Variants in CACNA2D1 observed in about 807,000 individuals in gnomAD.
CACNA2D1 encodes voltage-dependent calcium channel subunit alpha-2/delta-1.
In CACNA2D1, 53 loss-of-function variants were observed where a neutral mutation model predicts 171.5. The observed-to-expected ratio is 0.31, with a 90% CI of 0.25 to 0.39. The LOEUF is 0.39. Ranked by LOEUF, CACNA2D1 falls within the 10% of genes least tolerant of loss-of-function variation. CACNA2D1 has a pLI of 1.00. For missense variants in CACNA2D1, 903 were observed against 1,299.8 expected, an observed-to-expected ratio of 0.69 and a Z score of 4.69; for synonymous variants, 442 against 443.1, an observed-to-expected ratio of 1.00 and a Z score of 0.03.
chr7:82,180,494 G>A (rs1797005612), intron 3 of CACNA2D1, among the ~76,000 whole-genome samples: 1 of 152,110 alleles, frequency 6.6e-6, no homozygotes, highest in African/African-American at 2.4e-5. Flanking sequence ...TAGCTTATTA[G>A]GTTGCAATTA....
intron 2 of CACNA2D1, among the ~76,000 whole-genome samples, chr7:82,346,235 G>GA (rs964345781): frequency 4.6e-5 from 7 of 152,132 alleles, no homozygotes; most frequent in African/African-American, 1.7e-4. Flanking sequence ...CTATGTGGCA[G>GA]AAAAATACAT....
chr7:82,382,476 C>A (rs1441580127), intron 1 of CACNA2D1, among the ~76,000 whole-genome samples: 1 of 152,210 alleles, frequency 6.6e-6, no homozygotes, highest in Non-Finnish European at 1.5e-5. Flanking sequence ...CCTGCACCTG[C>A]TCTTTTCAAG....
chr7:82,059,709 C>T (rs1363164273), intron 10 of CACNA2D1, among the ~76,000 whole-genome samples: 11 of 151,588 alleles, frequency 7.3e-5, no homozygotes, highest in South Asian at 4.2e-4. Flanking sequence ...AAGATCCACG[C>T]GGCACTATTC....
intron 38 of CACNA2D1, among the ~76,000 whole-genome samples, chr7:81,951,051 A>G (rs909110934): frequency 5.3e-5 from 8 of 152,118 alleles, no homozygotes; most frequent in Non-Finnish European, 1.2e-4. Context: ...AATGTATTTG[A>G]ACCATTGTTT....
chr7:82,329,968 T>C (rs1817105910), intron 3 of CACNA2D1, among the ~76,000 whole-genome samples: 1 of 152,100 alleles, frequency 6.6e-6, no homozygotes, highest in South Asian at 2.1e-4. Flanking sequence ...TAAGAATGTA[T>C]AAATGTTTAA....
At chr7:82,426,813 T>C (rs1192925217) in intron 1 of CACNA2D1, among the ~76,000 whole-genome samples, 1 of 152,150 alleles carries the variant, frequency 6.6e-6, no homozygotes, top group Non-Finnish European at 1.5e-5. Flanking sequence ...TATACCCCCC[T>C]ACCCTTATTC....
chr7:82,009,940 C>T (rs1215706784), intron 15 of CACNA2D1, among the ~76,000 whole-genome samples: 1 of 152,058 alleles, frequency 6.6e-6, no homozygotes, highest in Non-Finnish European at 1.5e-5. Context: ...GAACTCTCCA[C>T]AATATTGTCC....
chr7:82,320,719 T>G (rs377377755), intron 3 of CACNA2D1, among the ~76,000 whole-genome samples: 1 of 151,898 alleles, frequency 6.6e-6, no homozygotes, highest in African/African-American at 2.4e-5. Flanking sequence ...GACTCCCATA[T>G]GCTGTTAGAC....
chr7:82,010,030 C>T (rs1294447937), intron 15 of CACNA2D1, among the ~76,000 whole-genome samples: 9 of 151,902 alleles, frequency 5.9e-5, no homozygotes, highest in Non-Finnish European at 1.3e-4. Context: ...TTATGCTATA[C>T]CCCATTTTTA....
intron 36 of CACNA2D1, among the ~76,000 whole-genome samples, chr7:81,960,955 G>T (rs1659057778): frequency 6.6e-6 from 1 of 151,772 alleles, no homozygotes; most frequent in African/African-American, 2.4e-5. Flanking sequence ...GGAGATAGAG[G>T]TCTGCTAAAG....
intron 3 of CACNA2D1, among the ~76,000 whole-genome samples, chr7:82,283,307 A>G (rs1483572705): frequency 2.6e-5 from 4 of 152,252 alleles, no homozygotes; most frequent in South Asian, 2.1e-4. Context: ...TCCTTCTAAC[A>G]TTAGAAGAAG....
At chr7:82,384,273 C>T (rs1463161113) in intron 1 of CACNA2D1, among the ~76,000 whole-genome samples, 1 of 152,126 alleles carries the variant, frequency 6.6e-6, no homozygotes, top group Non-Finnish European at 1.5e-5. Flanking sequence ...GAGAAGGGGC[C>T]TTTGCAAGGC....
chr7:82,150,010 ACT>A, intron 4 of CACNA2D1, among the ~76,000 whole-genome samples: 1 of 151,838 alleles, frequency 6.6e-6, no homozygotes, highest in Non-Finnish European at 1.5e-5. Flanking sequence ...GTGTGCATGC[ACT>A]GAGGAGATGT....
rs1413114777 is a variant in CACNA2D1 at position 81,948,078 on chromosome 7, T to TAATAGATTTTGAACA, written c.*2299_*2313dup. The TAATAGATTTTGAACA allele has an allele frequency of 1.3e-5, 2 of 151,868 alleles. No homozygotes were observed. Among genetic ancestry groups the TAATAGATTTTGAACA allele is most frequent in the Non-Finnish European group, 2.9e-5 (2 of 67,810 alleles). 9.4% of individuals were successfully genotyped at this position (151,868 alleles called of 1,614,324 possible). A position where few individuals can be genotyped will look rare whatever the true frequency, so the allele number is the denominator to read the frequency against. On this transcript the variant is annotated 3_prime_UTR_variant, in exon 39 of 39. Coordinates refer to ENST00000356860, the MANE Select transcript of CACNA2D1 (RefSeq NM_000722.4). The stretch of plus-strand genomic sequence containing the variant: ...TCGACATTAGCCATGAAAATATATT[T>TAATAGATTTTGAACA]AATAGATTTTGAACATAATTTTAAG...
chr7:82,027,850 G>C (rs867269796), intron 12 of CACNA2D1: 1 of 151,746 alleles, frequency 6.6e-6, no homozygotes, highest in Non-Finnish European at 1.5e-5. Flanking sequence ...GTTATATTCA[G>C]TGGTCCCTGA....
intron 4 of CACNA2D1, among the ~76,000 whole-genome samples, chr7:82,168,603 AAAT>A (rs1417195828): frequency 2.0e-5 from 3 of 152,116 alleles, no homozygotes; most frequent in Non-Finnish European, 2.9e-5. Flanking sequence ...ATAGAAAACA[AAAT>A]AATTGCCAAA....
intron 1 of CACNA2D1, among the ~76,000 whole-genome samples, chr7:82,398,406 C>G (rs1008341179): frequency 2.0e-5 from 3 of 152,134 alleles, no homozygotes; most frequent in African/African-American, 7.2e-5. Context: ...CTTTGAAATT[C>G]TTAATTATGT....
At chr7:81,954,619 T>C (rs569823617) in intron 38 of CACNA2D1, among the ~76,000 whole-genome samples, 1 of 152,260 alleles carries the variant, frequency 6.6e-6, no homozygotes, top group African/African-American at 2.4e-5. Flanking sequence ...TAATTTTTAA[T>C]TTATTAAATT....
intron 1 of CACNA2D1, among the ~76,000 whole-genome samples, chr7:82,442,410 C>T (rs1830573264): frequency 6.6e-6 from 1 of 152,110 alleles, no homozygotes; most frequent in African/African-American, 2.4e-5. Flanking sequence ...GCTCCAAGAA[C>T]CAAAATAAAT....
Sources: allele counts gnomAD v4.1 joint callset (sites outside exome capture counted in the v4.1 genomes callset), GRCh38; gene constraint gnomAD v4.1.1; transcripts MANE v1.5; gene names NCBI Gene and HGNC (gene_info 2026-07-23, HGNC 2026-07-21).